Variants in CFAP418 observed in about 807,000 individuals in gnomAD.
CFAP418 encodes the protein cilia and flagella associated protein 418.
In CFAP418, 27 loss-of-function variants were observed where a neutral mutation model predicts 24.7. That is an observed-to-expected ratio of 1.09 (90% CI 0.81 to 1.51). The LOEUF (loss-of-function observed/expected upper bound fraction) is 1.51, where lower values mean the gene tolerates loss of function less well. Ranked by LOEUF, CFAP418 falls within the 40% of genes most tolerant of loss-of-function variation. The probability of loss-of-function intolerance (pLI) is 0.00; values close to 1 mark genes in which losing one functional copy is unlikely to be tolerated. For missense variants in CFAP418, 257 were observed against 255.2 expected, an observed-to-expected ratio of 1.01 and a Z score of -0.05; for synonymous variants, 74 against 87.3, an observed-to-expected ratio of 0.85 and a Z score of 0.85.
In CFAP418 at chr8:95,263,724, T is replaced by A. The variant is rs1396524227; in HGVS notation, c.206A>T (p.Glu69Val). Residue 69 changes from glutamate to valine, a missense_variant, in exon 2 of 6, where the codon GAA becomes GTA. Physicochemically the swap from Glu to Val is moderately radical, Grantham distance 121. Coordinates refer to ENST00000286688, the MANE Select transcript of CFAP418 (RefSeq NM_177965.4). Reference sequence around the variant, plus strand: ...GTCCAAGTTGGGCTCTTCAAGTATTTCATTAATAAGACTGTCAAGATCATC... The same window carrying A: ...GTCCAAGTTGGGCTCTTCAAGTATTACATTAATAAGACTGTCAAGATCATC... Reference protein sequence around the residue: ...KEDDLDSLINEILEEPNLDKK... With the variant: ...KEDDLDSLINVILEEPNLDKK... 1 of 1,609,144 alleles carries A rather than the reference T, an allele frequency of 6.2e-7. No homozygotes were observed. Among genetic ancestry groups the A allele is most frequent in the Non-Finnish European group, 8.5e-7 (1 of 1,176,202 alleles).
intron 4 of CFAP418, among the ~76,000 whole-genome samples, chr8:95,254,857 C>A (rs186779476): frequency 1.3e-5 from 2 of 152,332 alleles, no homozygotes; most frequent in Admixed American, 1.3e-4. Context: ...CAATCTGGAT[C>A]CTTGCTTTGC....
At position 95,245,110 on chromosome 8, in the gene CFAP418, C is replaced by G. The variant is rs1476126560; in HGVS notation, c.*2507G>C. 1 of 151,910 alleles carries G rather than the reference C, an allele frequency of 6.6e-6. No individual in the cohort carries two copies. 9.4% of individuals were successfully genotyped at this position (151,910 alleles called of 1,614,324 possible). ...ATTATAAATCTTAAAAACAAACAGG[C>G]AAAACATCTTGAAAGTTTTATAGGC... On this transcript the variant is annotated 3_prime_UTR_variant, in exon 6 of 6. Transcript: ENST00000286688.
chr8:95,259,018 T>C (rs1281933990), intron 4 of CFAP418, among the ~76,000 whole-genome samples: 1 of 152,250 alleles, frequency 6.6e-6, no homozygotes, highest in Non-Finnish European at 1.5e-5. Context: ...AATGTATCCT[T>C]GTTGGTGACA....
chr8:95,250,907 T>C (rs1811695761), intron 5 of CFAP418, among the ~76,000 whole-genome samples: 1 of 152,180 alleles, frequency 6.6e-6, no homozygotes, highest in Admixed American at 6.5e-5. Context: ...TACTCATAGA[T>C]TTACCCAAGA....
intron 4 of CFAP418, among the ~76,000 whole-genome samples, chr8:95,258,306 T>C (rs7820747): frequency 0.024 from 3,343 of 137,148 alleles, 62 homozygotes; most frequent in African/African-American, 0.027. Context: ...GGCGTGAACC[T>C]GGGAGGCGGA....
In CFAP418 at chr8:95,255,900, G is replaced by A. The variant is rs112990099; in HGVS notation, c.375-3617C>T. ...CACATGTGTTTGTCTTTCTATGGGT[G>A]CAAATTCTGTTTCATGAAAGGGGCA... is the stretch of plus-strand genomic sequence containing the variant. On this transcript the variant is annotated intron_variant, in intron 4 of 5. Transcript: ENST00000286688. Among the ~76,000 whole-genome samples, 1,325 of 152,288 alleles carry A rather than the reference G, an allele frequency of 8.7e-3. 22 individuals are homozygous for A. Among genetic ancestry groups the A allele is most frequent in the African/African-American group, 0.031 (1,280 of 41,568 alleles).
chr8:95,249,566 T>C (rs1034726931), intron 5 of CFAP418, among the ~76,000 whole-genome samples: 3 of 152,098 alleles, frequency 2.0e-5, no homozygotes, highest in Non-Finnish European at 2.9e-5. Flanking sequence ...GGCCGAAGGA[T>C]CCTTTCAATC....
At position 95,261,398 on chromosome 8, in the gene CFAP418, A is replaced by T. The variant is rs563753425; in HGVS notation, c.244-866T>A. Among the ~76,000 whole-genome samples the T allele has an allele frequency of 5.2e-4, 79 of 152,314 alleles. 2 individuals carry two copies. The South Asian group carries it at 0.016, about 30-fold the overall frequency. ...GTTTGGGGAGCATGTTTCATGTGCCATCCAGACTCAGGCTTATGACTCTAA... is the reference window on the plus strand; with the variant it reads ...GTTTGGGGAGCATGTTTCATGTGCCTTCCAGACTCAGGCTTATGACTCTAA... On this transcript the variant is annotated intron_variant, in intron 2 of 5. Coordinates refer to ENST00000286688, the MANE Select transcript of CFAP418 (RefSeq NM_177965.4).
chr8:95,262,684 T>A (rs1330652228), intron 2 of CFAP418, among the ~76,000 whole-genome samples: 1 of 152,100 alleles, frequency 6.6e-6, no homozygotes, highest in Non-Finnish European at 1.5e-5. Context: ...TGGCAATGGG[T>A]AGAAAAGTTG....
intron 1 of CFAP418, 188 bp downstream of exon 1, chr8:95,268,847 G>GCCAGAATCCGCGAAGAGGGT: frequency 1.6e-6 from 1 of 622,626 alleles, no homozygotes; most frequent in South Asian, 2.1e-5. Flanking sequence ...GTGAAGAGGT[G>GCCAGAATCCGCGAAGAGGGT]CCAGAATCCG....
intron 4 of CFAP418, among the ~76,000 whole-genome samples, chr8:95,257,870 T>A (rs1811816591): frequency 6.6e-6 from 1 of 152,182 alleles, no homozygotes; most frequent in Non-Finnish European, 1.5e-5. Context: ...AAAAGTTAAC[T>A]GTAAAACAGC....
chr8:95,255,730 T>G (rs1196166967), intron 4 of CFAP418, among the ~76,000 whole-genome samples: 1 of 152,250 alleles, frequency 6.6e-6, no homozygotes, highest in Non-Finnish European at 1.5e-5. Context: ...TACCTCAATC[T>G]CTTCATTTAT....
chr8:95,253,267 G>A (rs949545367), intron 4 of CFAP418, among the ~76,000 whole-genome samples: 12 of 151,400 alleles, frequency 7.9e-5, no homozygotes, highest in African/African-American at 2.4e-4. Context: ...GGGAGATCGC[G>A]CCACTGCACT....
intron 4 of CFAP418, among the ~76,000 whole-genome samples, chr8:95,258,239 G>T (rs952646770): frequency 6.6e-6 from 1 of 151,612 alleles, no homozygotes; most frequent in African/African-American, 2.4e-5. Context: ...AAAATTAGCC[G>T]GGCGTGGTGG....
At position 95,246,446 on chromosome 8, in the gene CFAP418, T is replaced by C. The variant is rs145763418; in HGVS notation, c.*1171A>G. ...TCAGATCTTCCTCCCTTCAGTAGGG[T>C]GGCTGGAATAAATTTAGCATAAGAC... On this transcript the variant is annotated 3_prime_UTR_variant, in exon 6 of 6. Coordinates refer to ENST00000286688, the MANE Select transcript of CFAP418 (RefSeq NM_177965.4). 2.6e-5 allele frequency: 4 copies of C among 152,234 alleles called. No individual in the cohort carries two copies. Among genetic ancestry groups the C allele is most frequent in the African/African-American group, 9.6e-5 (4 of 41,544 alleles). The allele number at this position is 152,234 out of a possible 1,614,324, so 9.4% of individuals were successfully genotyped here.
At chr8:95,262,797 GA>G (rs1010674899) in intron 2 of CFAP418, among the ~76,000 whole-genome samples, 2 of 152,140 alleles carry the variant, frequency 1.3e-5, no homozygotes, top group African/African-American at 4.8e-5. Flanking sequence ...GATATCTAAT[GA>G]AGGCGTAATC....
Position 95,263,788 on chromosome 8 carries a change from A to G in CFAP418, c.156-14T>C, listed in dbSNP as rs939281036. ...GTTTCTGTTGATCTGAAAAGAAGAC[A>G]TACACAAAGAAAACTTACCTGAGGT... On this transcript the variant is annotated splice_polypyrimidine_tract_variant and intron_variant, in intron 1 of 5. Transcript: ENST00000286688. 6.6e-7 allele frequency: 1 copy of G among 1,526,042 alleles called. No individual in the cohort carries two copies. Among genetic ancestry groups the G allele is most frequent in the African/African-American group, 1.4e-5 (1 of 73,152 alleles). The allele number at this position is 1,526,042 out of a possible 1,614,324, so 94.5% of individuals were successfully genotyped here.
chr8:95,248,347 G>T (rs1046345163), intron 5 of CFAP418, among the ~76,000 whole-genome samples: 3 of 152,156 alleles, frequency 2.0e-5, no homozygotes, highest in Admixed American at 1.3e-4. Flanking sequence ...TATCAGAGAT[G>T]AAATAATATG....
At chr8:95,263,993 G>C (rs897393589) in intron 1 of CFAP418, among the ~76,000 whole-genome samples, 5 of 152,040 alleles carry the variant, frequency 3.3e-5, no homozygotes, top group African/African-American at 1.2e-4. Flanking sequence ...TTACATACTT[G>C]ATATTACATA....
Sources: allele counts gnomAD v4.1 joint callset (sites outside exome capture counted in the v4.1 genomes callset), GRCh38; gene constraint gnomAD v4.1.1; transcripts MANE v1.5; gene names NCBI Gene and HGNC (gene_info 2026-07-23, HGNC 2026-07-21).